Variants in C1orf174 observed in about 807,000 individuals in gnomAD.
The protein encoded by C1orf174 is chromosome 1 open reading frame 174.
A neutral mutation model predicts 18.4 loss-of-function variants in C1orf174; 13 were observed. That is an observed-to-expected ratio of 0.71 (90% CI 0.46 to 1.12). The LOEUF is 1.12. Ranked by LOEUF, C1orf174 falls within the 50% of genes most tolerant of loss-of-function variation. The pLI, the probability that C1orf174 is intolerant of heterozygous loss-of-function variation, is 0.00. For missense variants in C1orf174, 309 were observed against 308.0 expected, an observed-to-expected ratio of 1.00 and a Z score of -0.02; for synonymous variants, 100 against 118.3, an observed-to-expected ratio of 0.85 and a Z score of 1.01.
rs1395932191 is a variant in C1orf174, at chr1:3,889,705, A to G, written c.*255T>C. 2.3e-5 allele frequency: 6 copies of G among 262,532 alleles called. No individual in the cohort carries two copies. The highest frequency in any genetic ancestry group is 2.9e-5 in the Non-Finnish European group (4 of 135,664). The allele number at this position is 262,532 out of a possible 1,614,324, so 16.3% of individuals were successfully genotyped here. ...AGAGAAACTCTGTCTCCAAGGAAAA[A>G]AAAAAAAAAAAAAAAAGAAAGGACA... On this transcript the variant is annotated 3_prime_UTR_variant, in exon 4 of 4. Transcript: ENST00000361605.
intron 2 of C1orf174, 24 bp from the exon 3 acceptor site, chr1:3,891,081 G>A: frequency 3.1e-6 from 5 of 1,590,592 alleles, no homozygotes; most frequent in Non-Finnish European, 4.3e-6. Flanking sequence ...AAATGTAAGG[G>A]GAACCAGACA....
intron 1 of C1orf174, among the ~76,000 whole-genome samples, chr1:3,898,973 G>A (rs1203364455): frequency 2.0e-5 from 3 of 152,132 alleles, no homozygotes; most frequent in Non-Finnish European, 4.4e-5. Flanking sequence ...CAAATCTGAA[G>A]CTTAAGATGT....
In C1orf174 at chr1:3,890,579, T is replaced by C; in HGVS notation, c.608A>G (p.Glu203Gly). ...AGGCGCCGCTCTTACCTGCATGAGC[T>C]CAACGTTTCCAAAGAACCGGCTCAC... is the stretch of plus-strand genomic sequence containing the variant. ...MPVSRFFGNV[E>G]LMQDLPPASS... is the part of the protein sequence containing the mutation. Residue 203 changes from glutamate (E) to glycine (G), a missense_variant, in exon 3 of 4, where the codon GAG (glutamate) becomes GGG (glycine). Physicochemically the swap from Glu to Gly is moderately conservative, Grantham distance 98 (BLOSUM62 -2). Transcript: ENST00000361605. The C allele has an allele frequency of 1.3e-5, 21 of 1,613,974 alleles. No homozygotes were observed. Among genetic ancestry groups the C allele is most frequent in the Non-Finnish European group, 1.8e-5 (21 of 1,180,002 alleles).
In C1orf174 at chr1:3,892,928, A is replaced by G. The variant is rs1477429721; in HGVS notation, c.84T>C (p.Ser28=). The part of the protein sequence containing the change: ...ARSCSAARLA[S]AQEVAGSTSA... ...ACGTGGAACCAGCAACTTCCTGGGC[A>G]GAGGCCAACCTGGCTGCCGAACAAC... Residue 28 remains serine (S), a synonymous_variant, in exon 2 of 4, where the codon TCT becomes TCC. Coordinates refer to ENST00000361605, the MANE Select transcript of C1orf174 (RefSeq NM_207356.3). 1.9e-6 allele frequency: 3 copies of G among 1,614,106 alleles called. No homozygotes were observed. The highest frequency in any genetic ancestry group is 2.5e-6 in the Non-Finnish European group (3 of 1,180,042).
chr1:3,900,138 C>T, intron 1 of C1orf174, 34 bp downstream of exon 1: 1 of 1,571,278 alleles, frequency 6.4e-7, no homozygotes, highest in Non-Finnish European at 8.6e-7. Flanking sequence ...CCCCGCCCTG[C>T]CCGGCGCAGC....
chr1:3,900,272 C>CGGCG (rs977305498), upstream of C1orf174: 1 of 1,388,030 alleles, frequency 7.2e-7, no homozygotes, highest in African/African-American at 1.6e-5. Flanking sequence ...GAGCGCGCCG[C>CGGCG]GGCGGCGTCC....
rs549337740 is a variant in C1orf174 at position 3,897,166 on chromosome 1, T to C, written c.15+3006A>G. ...TCAAAGAAAAAGAAAAGTAGGCTCATACACTGGAATAAAAGCAGGCCACAG... is the reference window on the plus strand; with the variant it reads ...TCAAAGAAAAAGAAAAGTAGGCTCACACACTGGAATAAAAGCAGGCCACAG... On this transcript the variant is annotated intron_variant, in intron 1 of 3. Coordinates refer to ENST00000361605, the MANE Select transcript of C1orf174 (RefSeq NM_207356.3). 3.3e-5 allele frequency among the ~76,000 whole-genome samples: 5 copies of C among 152,286 alleles called. No homozygotes were observed. In the East Asian group the frequency reaches 7.7e-4, roughly 23 times the overall value.
At chr1:3,899,944 T>C (rs35131135) in intron 1 of C1orf174, among the ~76,000 whole-genome samples, 58,588 of 150,612 alleles carry the variant, frequency 0.39, 12,026 homozygotes, top group African/African-American at 0.53. Flanking sequence ...CTCCACTTCT[T>C]CCGAGGGCGT....
At position 3,890,944 on chromosome 1, in the gene C1orf174, A is replaced by G. The variant is rs766027320; in HGVS notation, c.243T>C (p.Ala81=). ...TCTCAGGTGTCACTTTTGGCAAAGA[A>G]GCGCTGTCATTCTTAGGGACAAGCT... ...LQKLVPKNDS[A]SLPKVTPETP... is the part of the protein sequence containing the mutation. The change falls in exon 3 of 4, where the codon GCT becomes GCC. Residue 81 remains alanine, a synonymous_variant. Transcript: ENST00000361605. 1.1e-5 allele frequency: 17 copies of G among 1,614,180 alleles called. No homozygotes were observed. The highest frequency in any genetic ancestry group is 1.7e-5 in the Admixed American group (1 of 60,018).
chr1:3,891,595 C>A, intron 2 of C1orf174: 1 of 986,718 alleles, frequency 1.0e-6, no homozygotes, highest in Non-Finnish European at 1.2e-6. Context: ...AACCCCTCAA[C>A]TGTAGGCTCC....
intron 1 of C1orf174, among the ~76,000 whole-genome samples, chr1:3,898,007 T>C (rs1186021523): frequency 6.6e-6 from 1 of 151,964 alleles, no homozygotes; most frequent in East Asian, 1.9e-4. Context: ...ATAGGATACA[T>C]GCAAAGAGAT....
At chr1:3,896,384 A>G (rs1396170262) in intron 1 of C1orf174, among the ~76,000 whole-genome samples, 4 of 152,202 alleles carry the variant, frequency 2.6e-5, no homozygotes, top group Admixed American at 6.5e-5. Flanking sequence ...CAGGCTGGGG[A>G]AGACACATTT....
In C1orf174 at chr1:3,892,969, G is replaced by A. The variant is rs762718816; in HGVS notation, c.43C>T (p.Arg15Cys). ...KLTGAVRSSA[R>C]LKARSCSAAR... Reference sequence around the variant, plus strand: ...GCCGAACAACTTCGTGCTTTCAAGCGCGCTGAAGACCGCACTGCACCTGTG... The same window carrying A: ...GCCGAACAACTTCGTGCTTTCAAGCACGCTGAAGACCGCACTGCACCTGTG... Residue 15 changes from arginine to cysteine, a missense_variant, in exon 2 of 4, where the codon CGC becomes TGC. Coordinates refer to ENST00000361605, the MANE Select transcript of C1orf174 (RefSeq NM_207356.3). The A allele has an allele frequency of 5.0e-6, 8 of 1,614,108 alleles. No individual in the cohort carries two copies. The highest frequency in any genetic ancestry group is 4.0e-5 in the African/African-American group (3 of 75,030).
chr1:3,894,268 TAA>T (rs1359109311), intron 1 of C1orf174, among the ~76,000 whole-genome samples: 1 of 150,976 alleles, frequency 6.6e-6, no homozygotes, highest in Non-Finnish European at 1.5e-5. Flanking sequence ...CAACAGCAGA[TAA>T]GAGAAATAAA....
chr1:3,896,494 A>C (rs768983870), intron 1 of C1orf174, among the ~76,000 whole-genome samples: 1 of 152,186 alleles, frequency 6.6e-6, no homozygotes, highest in Non-Finnish European at 1.5e-5. Flanking sequence ...TCTGCCTGGG[A>C]TGAGAGGCAG....
rs774183697 is a variant in C1orf174, at chr1:3,898,516, A to AAACAACAACAAC, written c.15+1644_15+1655dup. On this transcript the variant is annotated intron_variant, in intron 1 of 3. Transcript: ENST00000361605. ...GAGTGAGACTCTGGTCTCAAAGCAAAAACAACAACAACAACAACAACAACA... is the reference window on the plus strand; with the variant it reads ...GAGTGAGACTCTGGTCTCAAAGCAAAAACAACAACAACAACAACAACAACAACAACAACAACA... 2.1e-3 allele frequency among the ~76,000 whole-genome samples: 291 copies of AAACAACAACAAC among 139,318 alleles called. 1 individual carries two copies. Among genetic ancestry groups the AAACAACAACAAC allele is most frequent in the South Asian group, 2.4e-3 (11 of 4,582 alleles). 91.4% of individuals were successfully genotyped at this position (139,318 alleles called of 152,430 possible). A position where few individuals can be genotyped will look rare whatever the true frequency, so the allele number is the denominator to read the frequency against.
chr1:3,900,091 C>T (rs1284908890), intron 1 of C1orf174, 81 bp downstream of exon 1: 3 of 1,500,616 alleles, frequency 2.0e-6, no homozygotes, highest in Non-Finnish European at 2.7e-6. Context: ...ACCCCGTGAC[C>T]CCGCCCCGGT....
At chr1:3,898,107 T>C (rs1368599474) in intron 1 of C1orf174, among the ~76,000 whole-genome samples, 1 of 152,224 alleles carries the variant, frequency 6.6e-6, no homozygotes, top group Non-Finnish European at 1.5e-5. Flanking sequence ...GAAAGCCACT[T>C]AGAAGGGAAC....
At chr1:3,899,573 G>A (rs958522685) in intron 1 of C1orf174, among the ~76,000 whole-genome samples, 22 of 152,206 alleles carry the variant, frequency 1.4e-4, no homozygotes, top group Non-Finnish European at 3.1e-4. Flanking sequence ...TCAGTAGATG[G>A]GGCCAAGCTG....
Sources: gnomAD v4.1 joint callset for allele counts (sites outside exome capture counted in the v4.1 genomes callset) on GRCh38, gnomAD v4.1.1 for gene constraint, MANE v1.5 for transcripts, NCBI Gene and HGNC (gene_info 2026-07-23, HGNC 2026-07-21) for gene names.